Variants in CSTPP1 observed in about 807,000 individuals in gnomAD.
The protein encoded by CSTPP1 is UPF0705 protein C11orf49.
the CSTPP1 span, among the ~76,000 whole-genome samples, chr11:47,119,758 T>C: frequency 1.3e-5 from 2 of 151,880 alleles, no homozygotes; most frequent in East Asian, 3.9e-4. Context: ...ATTACAGGCA[T>C]GCACCACCAC....
At chr11:47,053,549 G>A in the CSTPP1 span, among the ~76,000 whole-genome samples, 2 of 151,252 alleles carry the variant, frequency 1.3e-5, no homozygotes, top group African/African-American at 4.9e-5. Flanking sequence ...AACCCTGGGG[G>A]ACAGAGGTTG....
the CSTPP1 span, among the ~76,000 whole-genome samples, chr11:47,031,513 G>A: frequency 1.3e-5 from 2 of 151,924 alleles, no homozygotes; most frequent in Non-Finnish European, 2.9e-5. Flanking sequence ...GCAACATAAC[G>A]AGACTCTGTC....
chr11:46,977,444 A>G, the CSTPP1 span, among the ~76,000 whole-genome samples: 1 of 152,252 alleles, frequency 6.6e-6, no homozygotes, highest in Non-Finnish European at 1.5e-5. Context: ...CCTCCCATTT[A>G]GAGACCTATT....
chr11:46,937,221 C>G, the CSTPP1 span, among the ~76,000 whole-genome samples: 6 of 152,134 alleles, frequency 3.9e-5, no homozygotes, highest in Non-Finnish European at 8.8e-5. Flanking sequence ...TTTTCTTTTT[C>G]ATTAGGCACT....
chr11:47,137,658 G>A, the CSTPP1 span: 2 of 1,614,154 alleles, frequency 1.2e-6, no homozygotes, highest in Non-Finnish European at 1.7e-6. Flanking sequence ...TGCTGACCAT[G>A]AAAGAATATC....
the CSTPP1 span, among the ~76,000 whole-genome samples, chr11:46,982,024 A>G: frequency 6.6e-6 from 1 of 152,124 alleles, no homozygotes; most frequent in African/African-American, 2.4e-5. Context: ...GTACCTCACA[A>G]GATCAAATAC....
chr11:47,148,090 T>C, the CSTPP1 span, among the ~76,000 whole-genome samples: 2 of 152,118 alleles, frequency 1.3e-5, no homozygotes, highest in Non-Finnish European at 2.9e-5. Flanking sequence ...AGCACGAGTG[T>C]GCCTCCAACA....
At chr11:46,945,472 G>A in the CSTPP1 span, among the ~76,000 whole-genome samples, 1 of 151,988 alleles carries the variant, frequency 6.6e-6, no homozygotes, top group Non-Finnish European at 1.5e-5. Flanking sequence ...AAAAATAGCT[G>A]GGCATGGTGG....
At chr11:46,946,740 A>G in the CSTPP1 span, among the ~76,000 whole-genome samples, 1 of 152,232 alleles carries the variant, frequency 6.6e-6, no homozygotes, top group Non-Finnish European at 1.5e-5. Flanking sequence ...CATCCTATTT[A>G]TGTCCTTCAT....
At chr11:46,957,709 T>A in the CSTPP1 span, among the ~76,000 whole-genome samples, 2 of 152,228 alleles carry the variant, frequency 1.3e-5, no homozygotes, top group African/African-American at 4.8e-5. Context: ...TATTGTCTCA[T>A]CTCTGTTCTA....
chr11:46,969,669 T>C, the CSTPP1 span, among the ~76,000 whole-genome samples: 2 of 152,222 alleles, frequency 1.3e-5, no homozygotes, highest in African/African-American at 4.8e-5. Flanking sequence ...TATTCAACAA[T>C]GGACTGTTAT....
the CSTPP1 span, among the ~76,000 whole-genome samples, chr11:46,990,405 G>A: frequency 6.6e-6 from 1 of 152,148 alleles, no homozygotes; most frequent in Admixed American, 6.6e-5. Context: ...GTGATAATGA[G>A]CATTTTTTCA....
chr11:47,153,544 CTGTG>C, the CSTPP1 span, among the ~76,000 whole-genome samples: 3 of 152,164 alleles, frequency 2.0e-5, no homozygotes, highest in Non-Finnish European at 2.9e-5. Context: ...AGCTCCCCAG[CTGTG>C]TGTGTGACTT....
the CSTPP1 span, among the ~76,000 whole-genome samples, chr11:46,965,871 A>G: frequency 6.6e-6 from 1 of 152,212 alleles, no homozygotes; most frequent in African/African-American, 2.4e-5. Flanking sequence ...AGTCTTTTAT[A>G]TTAAAGTTCA....
At chr11:47,158,299 T>C in the CSTPP1 span, among the ~76,000 whole-genome samples, 34 of 151,932 alleles carry the variant, frequency 2.2e-4, no homozygotes, top group Non-Finnish European at 4.7e-4. Context: ...ATCCCATTTA[T>C]AAACAAGGCA....
chr11:47,117,364 T>C, the CSTPP1 span, among the ~76,000 whole-genome samples: 1 of 152,210 alleles, frequency 6.6e-6, no homozygotes, highest in African/African-American at 2.4e-5. Flanking sequence ...TGCTTGTCTG[T>C]AAAGGATTTT....
At chr11:47,006,755 A>ATTT in the CSTPP1 span, among the ~76,000 whole-genome samples, 10,214 of 129,754 alleles carry the variant, frequency 0.079, 431 homozygotes, top group Non-Finnish European at 0.09. Context: ...CACTCAGCTA[A>ATTT]TTTTTTTTTT....
the CSTPP1 span, among the ~76,000 whole-genome samples, chr11:47,076,047 C>T: frequency 1.3e-5 from 2 of 151,728 alleles, no homozygotes; most frequent in African/African-American, 4.8e-5. Flanking sequence ...CAATTAGATC[C>T]CCAGATCCCT....
At chr11:47,104,063 A>G in the CSTPP1 span, among the ~76,000 whole-genome samples, 2 of 152,216 alleles carry the variant, frequency 1.3e-5, no homozygotes, top group Non-Finnish European at 2.9e-5. Flanking sequence ...CTTTGAGGAA[A>G]GAGAATCAGA....
Sources: allele counts gnomAD v4.1 joint callset (sites outside exome capture counted in the v4.1 genomes callset), GRCh38; gene constraint gnomAD v4.1.1; transcripts MANE v1.5; gene names NCBI Gene and HGNC (gene_info 2026-07-23, HGNC 2026-07-21).